NFIA: variants seen among roughly 807,000 people sequenced by gnomAD.
NFIA encodes nuclear factor 1 A-type.
A neutral mutation model predicts 62.8 loss-of-function variants in NFIA; 8 were observed. The ratio of observed to expected loss-of-function variants is 0.13; its 90% CI spans 0.07 to 0.23. The LOEUF (loss-of-function observed/expected upper bound fraction) is 0.23. Ranked by LOEUF, NFIA falls within the 10% of genes least tolerant of loss-of-function variation. The pLI, the probability that NFIA is intolerant of heterozygous loss-of-function variation, is 1.00. For missense variants in NFIA, 410 were observed against 642.1 expected (o/e 0.64, Z 3.91); for synonymous variants, 235 against 238.1 (o/e 0.99, Z 0.12).
intron 2 of NFIA, among the ~76,000 whole-genome samples, chr1:61,222,649 A>C (rs567892320): frequency 6.6e-6 from 1 of 152,118 alleles, no homozygotes; most frequent in Non-Finnish European, 1.5e-5. Context: ...CTGTTTTGCT[A>C]AAGTATAGGT....
intron 2 of NFIA, among the ~76,000 whole-genome samples, chr1:61,228,873 T>C (rs1013833677): frequency 1.3e-5 from 2 of 152,192 alleles, no homozygotes; most frequent in Non-Finnish European, 2.9e-5. Flanking sequence ...TATTCTGAGA[T>C]ATAAATTTTT....
chr1:61,157,688 T>C (rs1648909833), intron 2 of NFIA, among the ~76,000 whole-genome samples: 1 of 152,226 alleles, frequency 6.6e-6, no homozygotes, highest in South Asian at 2.1e-4. Flanking sequence ...TCTTTTACTC[T>C]GTAACCGGCC....
intron 3 of NFIA, among the ~76,000 whole-genome samples, chr1:61,308,169 G>A (rs1659903767): frequency 6.6e-6 from 1 of 152,236 alleles, no homozygotes; most frequent in African/African-American, 2.4e-5. Context: ...TGCAGTAGCA[G>A]CCAGGTTATC....
At chr1:61,136,181 C>G (rs909388973) in intron 2 of NFIA, among the ~76,000 whole-genome samples, 2 of 152,136 alleles carry the variant, frequency 1.3e-5, no homozygotes, top group Non-Finnish European at 2.9e-5. Context: ...TTGGATTCAC[C>G]GTGTCACAGC....
At chr1:61,391,421 T>C (rs1359313642) in intron 7 of NFIA, among the ~76,000 whole-genome samples, 4 of 138,802 alleles carry the variant, frequency 2.9e-5, no homozygotes, top group African/African-American at 1.1e-4. Context: ...TAAACCCCAC[T>C]TCTTTATGAA....
chr1:61,085,157 C>T (rs919431203), intron 1 of NFIA, among the ~76,000 whole-genome samples: 1 of 151,910 alleles, frequency 6.6e-6, no homozygotes, highest in Non-Finnish European at 1.5e-5. Context: ...TATCACTATA[C>T]TCTAAATGAA....
rs1161182480 is a variant in NFIA, at chr1:61,451,627, G to T, written c.1513-3676G>T. 3.9e-5 allele frequency among the ~76,000 whole-genome samples: 6 copies of T among 152,198 alleles called. No homozygotes were observed. In the East Asian group the frequency reaches 1.2e-3, roughly 29 times the overall value. On this transcript the variant is annotated intron_variant, in intron 10 of 10. Transcript: ENST00000403491. Reference sequence around the variant, plus strand: ...TACCGACTAATTTTACGTAACTGGAGCCTTGGTGGGAGTGTGGATTTGTGG... The same window carrying T: ...TACCGACTAATTTTACGTAACTGGATCCTTGGTGGGAGTGTGGATTTGTGG...
At chr1:61,213,335 A>G (rs1233053227) in intron 2 of NFIA, among the ~76,000 whole-genome samples, 1 of 152,156 alleles carries the variant, frequency 6.6e-6, no homozygotes, top group African/African-American at 2.4e-5. Flanking sequence ...GATATAGATG[A>G]CGTGTGAATG....
chr1:61,298,755 C>G (rs749360211), intron 3 of NFIA, among the ~76,000 whole-genome samples: 24 of 152,116 alleles, frequency 1.6e-4, no homozygotes, highest in Non-Finnish European at 3.4e-4. Flanking sequence ...GCAGGGTCCT[C>G]AGCATATAGC....
chr1:61,373,092 C>A (rs1028177100), intron 6 of NFIA, among the ~76,000 whole-genome samples: 7 of 152,100 alleles, frequency 4.6e-5, no homozygotes, highest in African/African-American at 1.7e-4. Context: ...GATAGCAGCT[C>A]AATTCATTGC....
chr1:61,377,387 T>C (rs1340768739), intron 6 of NFIA, among the ~76,000 whole-genome samples: 1 of 152,190 alleles, frequency 6.6e-6, no homozygotes, highest in Admixed American at 6.5e-5. Flanking sequence ...CCTGCCTCTC[T>C]TGAGGCCACT....
intron 3 of NFIA, among the ~76,000 whole-genome samples, chr1:61,325,254 A>G (rs1397132106): frequency 1.3e-5 from 2 of 151,906 alleles, no homozygotes; most frequent in South Asian, 2.1e-4. Flanking sequence ...TCACCTTTTT[A>G]TTTTCTTTTC....
At chr1:61,168,564 C>T (rs1310698571) in intron 2 of NFIA, among the ~76,000 whole-genome samples, 2 of 152,132 alleles carry the variant, frequency 1.3e-5, no homozygotes, top group Non-Finnish European at 1.5e-5. Context: ...GTTTCCTAAA[C>T]TAGAGATATG....
chr1:61,334,067 A>G (rs1661452984), intron 4 of NFIA, among the ~76,000 whole-genome samples: 1 of 152,250 alleles, frequency 6.6e-6, no homozygotes, highest in South Asian at 2.1e-4. Flanking sequence ...TAATGCCAGT[A>G]TCCGTACTCT....
At chr1:61,196,064 G>A (rs1280850987) in intron 2 of NFIA, among the ~76,000 whole-genome samples, 1 of 152,096 alleles carries the variant, frequency 6.6e-6, no homozygotes, top group Non-Finnish European at 1.5e-5. Flanking sequence ...ATGTTTACAA[G>A]TTTTTAATTT....
chr1:61,441,865 T>C (rs1295735388), intron 10 of NFIA, among the ~76,000 whole-genome samples: 1 of 152,118 alleles, frequency 6.6e-6, no homozygotes, highest in Non-Finnish European at 1.5e-5. Context: ...AGTCTGAAGA[T>C]GTACCAAACT....
At chr1:61,173,155 G>T (rs919386897) in intron 2 of NFIA, among the ~76,000 whole-genome samples, 6 of 152,142 alleles carry the variant, frequency 3.9e-5, no homozygotes, top group African/African-American at 1.4e-4. Context: ...CCACTATTCC[G>T]TTTTGATACC....
At position 61,117,509 on chromosome 1, in the gene NFIA, G is replaced by GAAA. The variant is rs11455772; in HGVS notation, c.559+28836_559+28838dup. Among the ~76,000 whole-genome samples the GAAA allele has an allele frequency of 2.4e-4, 36 of 150,882 alleles. 1 individual carries two copies. The highest frequency in any genetic ancestry group is 2.4e-4 in the Non-Finnish European group (16 of 67,770). ...AAGTCTGCAATAATGTTAAGAACAG[G>GAAA]AAAAAAAAATGTAGATTCCTGGATA... On this transcript the variant is annotated intron_variant, in intron 2 of 10. Transcript: ENST00000403491.
intron 8 of NFIA, among the ~76,000 whole-genome samples, chr1:61,405,959 C>T (rs935721757): frequency 3.3e-5 from 5 of 152,116 alleles, no homozygotes; most frequent in Non-Finnish European, 4.4e-5. Context: ...TCTAAAGTTT[C>T]TGTGCCTGAT....
Sources: gnomAD v4.1 joint callset for allele counts (sites outside exome capture counted in the v4.1 genomes callset) on GRCh38, gnomAD v4.1.1 for gene constraint, MANE v1.5 for transcripts, NCBI Gene and HGNC (gene_info 2026-07-23, HGNC 2026-07-21) for gene names.